Variants in RABAC1 observed in about 807,000 individuals in gnomAD.
RABAC1 encodes the protein Rab acceptor 1.
A neutral mutation model predicts 22.9 loss-of-function variants in RABAC1; 16 were observed. That is an observed-to-expected ratio of 0.70 (90% CI 0.47 to 1.06). The LOEUF is 1.06. Among genes scored for constraint, RABAC1 ranks in the 50% least tolerant of loss-of-function variants. RABAC1 has a pLI of 0.00. For synonymous variants in RABAC1, 139 were observed against 107.7 expected (o/e 1.29, Z -1.80); for missense variants, 227 against 246.5 (o/e 0.92, Z 0.53).
chr19:41,958,677 G>T, intron 2 of RABAC1, 59 bp downstream of exon 2: 2 of 1,536,584 alleles, frequency 1.3e-6, no homozygotes, highest in South Asian at 2.4e-5. Context: ...CCTGAGCGGC[G>T]AGAGGAGGGG....
chr19:41,958,915 T>A lies in RABAC1; in HGVS notation c.90A>T (p.Ala30=). The A allele has an allele frequency of 6.3e-7, 1 of 1,592,248 alleles. No homozygotes were observed. The highest frequency in any genetic ancestry group is 1.1e-5 in the South Asian group (1 of 89,398). Residue 30 remains alanine, a synonymous_variant, in exon 2 of 5, where the codon GCA becomes GCT. Transcript: ENST00000222008. ...GGCGCCGCTCCAGCCACTCCCGGCC[T>A]GCACCGGAGGGAATCAGCTTCGGCA... The part of the protein sequence containing the change: ...TLLPKLIPSG[A]GREWLERRRA...
At position 41,959,022 on chromosome 19, in the gene RABAC1, G is replaced by A. The variant is rs2075003674; in HGVS notation, c.57-74C>T. 4.2e-6 allele frequency: 6 copies of A among 1,444,590 alleles called. No homozygotes were observed. The Admixed American group carries it at 1.2e-4, about 28-fold the overall frequency. The allele number at this position is 1,444,590 out of a possible 1,614,324, so 89.5% of individuals were successfully genotyped here. ...ACCCCCGCAAAAGAAGGGGACTAAG[G>A]GTGCCTGGACTCCCTCCCGGGACCC... is the stretch of plus-strand genomic sequence containing the variant. On this transcript the variant is annotated intron_variant, in intron 1 of 4. Coordinates refer to ENST00000222008, the MANE Select transcript of RABAC1 (RefSeq NM_006423.3).
chr19:41,958,179 C>T, intron 3 of RABAC1, 107 bp downstream of exon 3: 5 of 1,049,938 alleles, frequency 4.8e-6, no homozygotes, highest in Middle Eastern at 2.1e-4. Context: ...TAGGCTTGGG[C>T]GGACTTGGGT....
At chr19:41,959,133 G>A (rs1270571027) in intron 1 of RABAC1, 104 bp downstream of exon 1, 2 of 1,506,082 alleles carry the variant, frequency 1.3e-6, no homozygotes, top group East Asian at 2.4e-5. Context: ...ACACTTCTGC[G>A]GCTCGGGGCT....
chr19:41,958,696 G>C, intron 2 of RABAC1, 40 bp downstream of exon 2: 3 of 1,584,832 alleles, frequency 1.9e-6, no homozygotes, highest in Middle Eastern at 1.7e-4. Context: ...GGTCCAGCCG[G>C]TCGGGGCTAG....
At position 41,958,751 on chromosome 19, in the gene RABAC1, A is replaced by G; in HGVS notation, c.254T>C (p.Leu85Pro). The G allele has an allele frequency of 6.2e-7, 1 of 1,612,862 alleles. No homozygotes were observed. The highest frequency in any genetic ancestry group is 1.1e-5 in the South Asian group (1 of 91,016). ...AGGCACTCACACACAGTACAGGATGAGGCCCAGGAACACGAACACATAGTT... is the reference window on the plus strand; with the variant it reads ...AGGCACTCACACACAGTACAGGATGGGGCCCAGGAACACGAACACATAGTT... ...QSNYVFVFLG[L>P]ILYCVVTSPM... Residue 85 changes from leucine (L) to proline (P), a missense_variant, in exon 2 of 5, where the codon CTC becomes CCC. Physicochemically the swap from Leu to Pro is moderately conservative, Grantham distance 98 (BLOSUM62 -3). Coordinates refer to ENST00000222008, the MANE Select transcript of RABAC1 (RefSeq NM_006423.3).
chr19:41,958,523 C>A, intron 2 of RABAC1, 140 bp from the exon 3 acceptor site: 1 of 952,734 alleles, frequency 1.0e-6, no homozygotes, highest in Non-Finnish European at 1.6e-6. Flanking sequence ...CACACTGCAT[C>A]CTGGCCAGGG....
chr19:41,957,321 C>T lies in RABAC1; in HGVS notation c.368-202G>A, dbSNP rs2074994688. The T allele has an allele frequency of 5.2e-6, 3 of 580,882 alleles. No individual in the cohort carries two copies. In the African/African-American group the frequency reaches 5.6e-5, roughly 11 times the overall value. The allele number at this position is 580,882 out of a possible 1,614,324, so 36.0% of individuals were successfully genotyped here. On this transcript the variant is annotated intron_variant, in intron 3 of 4. Coordinates refer to ENST00000222008, the MANE Select transcript of RABAC1 (RefSeq NM_006423.3). ...CCTCCAGAACACAGCACACCGTCCT[C>T]GCCTGCCTCAGCCCCACCCTCTGCC...
chr19:41,959,010 A>T (rs1261716188), intron 1 of RABAC1, 62 bp from the exon 2 acceptor site: 1 of 1,452,732 alleles, frequency 6.9e-7, no homozygotes, highest in East Asian at 2.5e-5. Context: ...CCCGCAAAAG[A>T]AGGGGACTAA....
rs782650326 is a variant in RABAC1 at position 41,956,927 on chromosome 19, G to A, written c.477C>T (p.Thr159=). The change falls in exon 5 of 5, where the codon ACC becomes ACT. Residue 159 remains threonine (T), a synonymous_variant. Coordinates refer to ENST00000222008, the MANE Select transcript of RABAC1 (RefSeq NM_006423.3). The part of the protein sequence containing the change: ...GSAVFWVLGA[T]LVVIGSHAAF... Reference sequence around the variant, plus strand: ...CAGCGTGGGAGCCGATGACCACCAGGGTGGCTCCTGCAGGAAAGCCGGCAG... The same window carrying A: ...CAGCGTGGGAGCCGATGACCACCAGAGTGGCTCCTGCAGGAAAGCCGGCAG... The A allele has an allele frequency of 1.2e-6, 2 of 1,612,534 alleles. No homozygotes were observed. The highest frequency in any genetic ancestry group is 2.2e-5 in the East Asian group (1 of 44,870).
rs2075001267 is a variant in RABAC1, at chr19:41,958,669, T to C, written c.269+67A>G. ...GGACCGGGCGGTGAAGGGCGGGGCC[T>C]GAGCGGCGAGAGGAGGGGTCCAGCC... On this transcript the variant is annotated intron_variant, in intron 2 of 4. Coordinates refer to ENST00000222008, the MANE Select transcript of RABAC1 (RefSeq NM_006423.3). 4 of 1,513,768 alleles carry C rather than the reference T, an allele frequency of 2.6e-6. No homozygotes were observed. The South Asian group carries it at 3.6e-5, about 14-fold the overall frequency. 93.8% of individuals were successfully genotyped at this position (1,513,768 alleles called of 1,614,324 possible). A position where few individuals can be genotyped will look rare whatever the true frequency, so the allele number is the denominator to read the frequency against.
chr19:41,957,316 G>A (rs562474003), intron 3 of RABAC1, 197 bp from the exon 4 acceptor site: 12 of 581,456 alleles, frequency 2.1e-5, no homozygotes, highest in African/African-American at 5.6e-5. Context: ...ACAGCACACC[G>A]TCCTCGCCTG....
At position 41,958,778 on chromosome 19, in the gene RABAC1, C is replaced by T; in HGVS notation, c.227G>A (p.Ser76Asn). Residue 76 changes from serine to asparagine, a missense_variant, in exon 2 of 5, where the codon AGC becomes AAC. By Grantham distance (46) the Ser-to-Asn change is conservative. Transcript: ENST00000222008. ...GCCCAGGAACACGAACACATAGTTG[C>T]TCTGGTAGTACTCCACGTTGCGTAC... ...RLVRNVEYYQ[S>N]NYVFVFLGLI... is the part of the protein sequence containing the mutation. The T allele has an allele frequency of 6.2e-7, 1 of 1,613,150 alleles. No homozygotes were observed. The highest frequency in any genetic ancestry group is 8.5e-7 in the Non-Finnish European group (1 of 1,179,854).
intron 3 of RABAC1, chr19:41,958,038 A>G: frequency 2.2e-6 from 1 of 454,140 alleles, no homozygotes; most frequent in Non-Finnish European, 4.1e-6. Flanking sequence ...GAAAAGGAGT[A>G]GGTTTAAGGC....
rs140619707 is a variant in RABAC1 at position 41,958,261 on chromosome 19, T to G, written c.367+25A>C. ...AGACCAAGATTTGAGGGACCAAGGATTCATCTGGGCAGGGGGTTTCTCACC... is the reference window on the plus strand; with the variant it reads ...AGACCAAGATTTGAGGGACCAAGGAGTCATCTGGGCAGGGGGTTTCTCACC... On this transcript the variant is annotated intron_variant, in intron 3 of 4. Coordinates refer to ENST00000222008, the MANE Select transcript of RABAC1 (RefSeq NM_006423.3). The G allele has an allele frequency of 6.5e-4, 1,029 of 1,585,974 alleles. 2 individuals carry two copies. The African/African-American group carries it at 0.012, about 19-fold the overall frequency.
Position 41,958,004 on chromosome 19 carries a change from G to C in RABAC1, c.367+282C>G, listed in dbSNP as rs563497715. ...CGCAGAGAGCGGCAAGGGGAGGAGAGAGAGGGGAGGAGTCATGTGGTTTGA... is the reference window on the plus strand; with the variant it reads ...CGCAGAGAGCGGCAAGGGGAGGAGACAGAGGGGAGGAGTCATGTGGTTTGA... On this transcript the variant is annotated intron_variant, in intron 3 of 4. Transcript: ENST00000222008. 7.8e-5 allele frequency: 29 copies of C among 373,654 alleles called. No individual in the cohort carries two copies. The East Asian group carries it at 1.7e-3, about 21-fold the overall frequency. The allele number at this position is 373,654 out of a possible 1,614,324, so 23.1% of individuals were successfully genotyped here. A position where few individuals can be genotyped will look rare whatever the true frequency, so the allele number is the denominator to read the frequency against.
rs540539815 is a variant in RABAC1 at position 41,957,159 on chromosome 19, A to G, written c.368-40T>C. On this transcript the variant is annotated intron_variant, in intron 3 of 4. Coordinates refer to ENST00000222008, the MANE Select transcript of RABAC1 (RefSeq NM_006423.3). ...CATTGGGGTGCTGTTCCGACTCTCC[A>G]TGCCCTCTCCCAGAGTAACCCCTGC... 394 of 1,540,032 alleles carry G rather than the reference A, an allele frequency of 2.6e-4. 1 individual carries two copies. Among genetic ancestry groups the G allele is most frequent in the Non-Finnish European group, 3.3e-4 (368 of 1,117,790 alleles).
intron 2 of RABAC1, 87 bp downstream of exon 2, chr19:41,958,649 G>A (rs1446911602): frequency 2.1e-6 from 3 of 1,396,246 alleles, no homozygotes; most frequent in African/African-American, 1.4e-5. Flanking sequence ...AGGAGGGACC[G>A]GGCGGTGAAG....
At chr19:41,958,125 T>A in intron 3 of RABAC1, 161 bp downstream of exon 3, 1 of 641,940 alleles carries the variant, frequency 1.6e-6, no homozygotes, top group Non-Finnish European at 2.8e-6. Context: ...ATCGGTTGTG[T>A]CTGAGATTTT....
Sources: gnomAD v4.1 joint callset for allele counts on GRCh38, gnomAD v4.1.1 for gene constraint, MANE v1.5 for transcripts, NCBI Gene and HGNC (gene_info 2026-07-23, HGNC 2026-07-21) for gene names.